The following PLCZ1 variants were observed in gnomAD, a reference collection of about 807,000 sequenced individuals.
PLCZ1 encodes the protein phospholipase C zeta 1, also known as 1-phosphatidylinositol 4,5-bisphosphate phosphodiesterase zeta-1.
A neutral mutation model predicts 76.8 loss-of-function variants in PLCZ1; 64 were observed. The observed-to-expected ratio is 0.83, with a 90% CI of 0.68 to 1.03. PLCZ1 has a LOEUF of 1.03. Among genes scored for constraint, PLCZ1 ranks in the 50% least tolerant of loss-of-function variants. The pLI is 0.00. For missense variants in PLCZ1, 751 were observed against 713.7 expected (o/e 1.05, Z -0.60); for synonymous variants, 248 against 230.8 (o/e 1.07, Z -0.68).
At chr12:18,735,749 T>C (rs11044275) in intron 3 of PLCZ1, 50,945 of 152,556 alleles carry the variant, frequency 0.33, 8,812 homozygotes, top group African/African-American at 0.41. Flanking sequence ...CCTCTCTCTT[T>C]TTTCTTACTC....
At position 18,723,380 on chromosome 12, in the gene PLCZ1, G is replaced by T. The variant is rs756200378; in HGVS notation, c.298C>A (p.Gln100Lys). Residue 100 changes from glutamine to lysine, a missense_variant, in exon 4 of 15, where the codon CAA (glutamine) becomes AAA (lysine). Coordinates refer to ENST00000266505, the MANE Select transcript of PLCZ1 (RefSeq NM_033123.4). ...SNLAQFLTQE[Q>K]YAAEMSKAIA... ...GCTTTACTCATCTCAGCTGCATATT[G>T]TTCTTGTGTCAGAAATTGAGCCAGA... 1 of 1,612,910 alleles carries T rather than the reference G, an allele frequency of 6.2e-7. No individual in the cohort carries two copies.
At chr12:18,658,471 C>T in the PLCZ1 span, among the ~76,000 whole-genome samples, 7 of 152,140 alleles carry the variant, frequency 4.6e-5, no homozygotes, top group East Asian at 1.9e-4. Flanking sequence ...AAGAAATCCT[C>T]AATAAGATTA....
At position 18,705,455 on chromosome 12, in the gene PLCZ1, A is replaced by C; in HGVS notation, c.715-140T>G. On this transcript the variant is annotated intron_variant, in intron 6 of 14. Transcript: ENST00000266505. ...CAAAATAACTATTCTTTAAACTGAAAGTACTTTTGAGTTTGGCAAAACAGA... is the reference window on the plus strand; with the variant it reads ...CAAAATAACTATTCTTTAAACTGAACGTACTTTTGAGTTTGGCAAAACAGA... The C allele has an allele frequency of 6.9e-6, 7 of 1,010,756 alleles. No individual in the cohort carries two copies. In the South Asian group the frequency reaches 1.1e-4, roughly 16 times the overall value. 62.6% of individuals were successfully genotyped at this position (1,010,756 alleles called of 1,614,324 possible). A position where few individuals can be genotyped will look rare whatever the true frequency, so the allele number is the denominator to read the frequency against.
At chr12:18,736,570 AG>A in intron 2 of PLCZ1, 3 of 1,273,954 alleles carry the variant, frequency 2.4e-6, no homozygotes, top group Admixed American at 2.8e-5. Context: ...TACAAAAAAA[AG>A]AATTAAAGTT....
intron 6 of PLCZ1, among the ~76,000 whole-genome samples, chr12:18,705,733 G>A (rs1313821956): frequency 6.6e-6 from 1 of 151,636 alleles, no homozygotes. Context: ...AGGTGTGGTA[G>A]TGTGTGCCTG....
the PLCZ1 span, among the ~76,000 whole-genome samples, chr12:18,650,664 ATGTG>A: frequency 0.043 from 1,533 of 35,248 alleles, 28 homozygotes; most frequent in Non-Finnish European, 0.057. Flanking sequence ...TGGAATATAA[ATGTG>A]TGTGTGTGTG....
At chr12:18,704,906 T>A (rs1365806745) in intron 7 of PLCZ1, among the ~76,000 whole-genome samples, 1 of 152,132 alleles carries the variant, frequency 6.6e-6, no homozygotes. Context: ...TACTAATTGC[T>A]TTGATATTGT....
At chr12:18,671,841 T>C in the PLCZ1 span, among the ~76,000 whole-genome samples, 1 of 152,116 alleles carries the variant, frequency 6.6e-6, no homozygotes, top group African/African-American at 2.4e-5. Context: ...GTTTTGGAGT[T>C]TGAGAAGTTT....
At chr12:18,672,134 T>C in the PLCZ1 span, among the ~76,000 whole-genome samples, 1 of 152,220 alleles carries the variant, frequency 6.6e-6, no homozygotes, top group Non-Finnish European at 1.5e-5. Flanking sequence ...AAGAGATTAT[T>C]TTATTTTGCA....
intron 4 of PLCZ1, among the ~76,000 whole-genome samples, chr12:18,721,986 ATCTCTCTCTCAT>A (rs1456294734): frequency 6.6e-6 from 1 of 151,750 alleles, no homozygotes; most frequent in Non-Finnish European, 1.5e-5. Flanking sequence ...CTCCAAACTC[ATCTCTCTCTCAT>A]TCTCAAAGTT....
At chr12:18,696,530 T>G (rs995939769) in intron 10 of PLCZ1, among the ~76,000 whole-genome samples, 1 of 151,552 alleles carries the variant, frequency 6.6e-6, no homozygotes. Flanking sequence ...AAGGAAAAAA[T>G]TGATTAGATA....
the PLCZ1 span, among the ~76,000 whole-genome samples, chr12:18,673,203 G>C: frequency 6.6e-6 from 1 of 152,040 alleles, no homozygotes; most frequent in African/African-American, 2.4e-5. Context: ...CCCTCATAAA[G>C]GGTACAGGAA....
At chr12:18,720,528 A>G (rs997361520) in intron 4 of PLCZ1, among the ~76,000 whole-genome samples, 2 of 151,644 alleles carry the variant, frequency 1.3e-5, no homozygotes, top group Non-Finnish European at 2.9e-5. Flanking sequence ...TTAACTTGTT[A>G]TATGATCTTG....
chr12:18,693,856 G>A lies in PLCZ1; in HGVS notation c.1461+1054C>T, dbSNP rs1420459363. Reference sequence around the variant, plus strand: ...AGTTCCCCCTGCCTGATGAAAAGACGAAGAAGCCCATCTTTCAGATTCACA... The same window carrying A: ...AGTTCCCCCTGCCTGATGAAAAGACAAAGAAGCCCATCTTTCAGATTCACA... On this transcript the variant is annotated intron_variant, in intron 12 of 14. Coordinates refer to ENST00000266505, the MANE Select transcript of PLCZ1 (RefSeq NM_033123.4). 4.2e-5 allele frequency: 64 copies of A among 1,532,814 alleles called. No homozygotes were observed. The East Asian group carries it at 1.2e-3, about 29-fold the overall frequency. The allele number at this position is 1,532,814 out of a possible 1,614,324, so 95.0% of individuals were successfully genotyped here.
intron 11 of PLCZ1, 23 bp from the exon 12 acceptor site, chr12:18,695,102 C>A: frequency 6.2e-7 from 1 of 1,602,342 alleles, no homozygotes; most frequent in Non-Finnish European, 8.5e-7. Flanking sequence ...AGTATTTTGA[C>A]ATTGTCAGGT....
At chr12:18,732,334 G>A (rs1354920025) in intron 3 of PLCZ1, among the ~76,000 whole-genome samples, 1 of 152,002 alleles carries the variant, frequency 6.6e-6, no homozygotes, top group Non-Finnish European at 1.5e-5. Context: ...TGTACTTTTT[G>A]TAGACACGAG....
At chr12:18,698,813 G>T (rs1955483260) in intron 10 of PLCZ1, among the ~76,000 whole-genome samples, 1 of 152,022 alleles carries the variant, frequency 6.6e-6, no homozygotes, top group Non-Finnish European at 1.5e-5. Context: ...ATTTTTAAAT[G>T]TACAATAAAC....
intron 7 of PLCZ1, among the ~76,000 whole-genome samples, chr12:18,703,662 T>C (rs1956227204): frequency 6.6e-6 from 1 of 152,216 alleles, no homozygotes; most frequent in South Asian, 2.1e-4. Flanking sequence ...ATCTGTATGT[T>C]AACCCTTGTG....
chr12:18,673,584 T>C, the PLCZ1 span, among the ~76,000 whole-genome samples: 2 of 152,202 alleles, frequency 1.3e-5, no homozygotes, highest in Non-Finnish European at 2.9e-5. Flanking sequence ...TCTATTGTTA[T>C]GTAACAAATT....
Sources: allele counts gnomAD v4.1 joint callset (sites outside exome capture counted in the v4.1 genomes callset), GRCh38; gene constraint gnomAD v4.1.1; transcripts MANE v1.5; gene names NCBI Gene and HGNC (gene_info 2026-07-23, HGNC 2026-07-21).